The following CA12 variants were observed in gnomAD, a reference collection of about 807,000 sequenced individuals.
The protein encoded by CA12 is carbonate dehydratase XII.
Under a neutral mutation model 46.8 loss-of-function variants are expected in CA12, and 36 were observed. The observed-to-expected ratio is 0.77, with a 90% CI of 0.59 to 1.02. CA12 has a LOEUF of 1.02. Ranked by LOEUF, CA12 falls within the 50% of genes least tolerant of loss-of-function variation. CA12 has a pLI of 0.00. For missense variants in CA12, 436 were observed against 451.4 expected (o/e 0.97, Z 0.31); for synonymous variants, 202 against 187.0 (o/e 1.08, Z -0.65).
chr15:63,327,010 G>A lies in CA12; in HGVS notation c.992+139C>T, dbSNP rs547034055. 9.3e-5 allele frequency: 68 copies of A among 734,608 alleles called. No homozygotes were observed. Among genetic ancestry groups the A allele is most frequent in the Non-Finnish European group, 1.6e-4 (65 of 411,076 alleles). The allele number at this position is 734,608 out of a possible 1,614,324, so 45.5% of individuals were successfully genotyped here. ...ATGCAAAGGAGGCCAGGGCACGGGT[G>A]CTTTGGGGACGGCCCTCCTAGGGTA... On this transcript the variant is annotated intron_variant, in intron 10 of 10. Coordinates refer to ENST00000178638, the MANE Select transcript of CA12 (RefSeq NM_001218.5). This position sits in a 1 kb window ranked among gnomAD's most constrained non-coding sequence, Gnocchi z 4.5.
At chr15:63,335,885 CT>C (rs1041636540) in intron 8 of CA12, among the ~76,000 whole-genome samples, 9 of 152,352 alleles carry the variant, frequency 5.9e-5, no homozygotes, top group African/African-American at 2.2e-4. Flanking sequence ...ATGCAGCCCC[CT>C]GGGCAGATGA....
intron 2 of CA12, among the ~76,000 whole-genome samples, chr15:63,360,267 T>C (rs1286387822): frequency 6.6e-6 from 1 of 152,212 alleles, no homozygotes; most frequent in African/African-American, 2.4e-5. Flanking sequence ...CATCATTGGC[T>C]GAGGAACTCA....
In CA12 at chr15:63,326,243, A is replaced by G; in HGVS notation, c.*42T>C. 1 of 1,522,560 alleles carries G rather than the reference A, an allele frequency of 6.6e-7. No homozygotes were observed. The highest frequency in any genetic ancestry group is 9.1e-7 in the Non-Finnish European group (1 of 1,096,630). The allele number at this position is 1,522,560 out of a possible 1,614,324, so 94.3% of individuals were successfully genotyped here. A position where few individuals can be genotyped will look rare whatever the true frequency, so the allele number is the denominator to read the frequency against. ...AGAGAGCCGAAGTGTGTAGGGTCCA[A>G]AGCAAGGTCCTTCCTGGATGTGCCC... On this transcript the variant is annotated 3_prime_UTR_variant, in exon 11 of 11. Transcript: ENST00000178638.
At chr15:63,371,709 G>A (rs2152626662) in intron 2 of CA12, among the ~76,000 whole-genome samples, 1 of 152,308 alleles carries the variant, frequency 6.6e-6, no homozygotes, top group Non-Finnish European at 1.5e-5. Context: ...CCAAGAAGCA[G>A]CAAGCCAATA....
At chr15:63,342,200 C>A (rs1012322134) in intron 4 of CA12, 103 bp from the exon 5 acceptor site, 2 of 760,920 alleles carry the variant, frequency 2.6e-6, no homozygotes, top group African/African-American at 1.7e-5. Context: ...AACCCCAGCC[C>A]CCTCAGCCCC....
Position 63,327,269 on chromosome 15 carries a change from T to TAGC in CA12, c.908-37_908-36insGCT. On this transcript the variant is annotated intron_variant, in intron 9 of 10. Transcript: ENST00000178638. The surrounding 1 kb of genome is among the most constrained non-coding windows in gnomAD (Gnocchi z 4.5). ...GGTAGAGGGCACACATTACATTCCT[T>TAGC]CCTTCCCCTCCATCTTAGCCCATGG... 6.4e-7 allele frequency: 1 copy of TAGC among 1,552,912 alleles called. No individual in the cohort carries two copies. Among genetic ancestry groups the TAGC allele is most frequent in the Non-Finnish European group, 8.9e-7 (1 of 1,128,450 alleles).
intron 2 of CA12, among the ~76,000 whole-genome samples, chr15:63,352,562 C>T (rs1024763826): frequency 3.9e-5 from 6 of 152,124 alleles, no homozygotes; most frequent in African/African-American, 1.4e-4. Context: ...AGGTGGACCC[C>T]CCTGTGTCTG....
Position 63,341,655 on chromosome 15 carries a change from C to T in CA12, c.525+347G>A, listed in dbSNP as rs1358118564. On this transcript the variant is annotated intron_variant, in intron 5 of 10. Coordinates refer to ENST00000178638, the MANE Select transcript of CA12 (RefSeq NM_001218.5). The surrounding 1 kb of genome is among the most constrained non-coding windows in gnomAD (Gnocchi z 5.2). ...GGAGCTTGGATGGCAGGAGTTGTAT[C>T]AAGAGTTCAGGCATCTGATGGGGCA... Among the ~76,000 whole-genome samples, 1 of 152,170 alleles carries T rather than the reference C, an allele frequency of 6.6e-6. No homozygotes were observed. Among genetic ancestry groups the T allele is most frequent in the Non-Finnish European group, 1.5e-5 (1 of 68,032 alleles).
At chr15:63,332,567 G>A (rs900296220) in intron 8 of CA12, among the ~76,000 whole-genome samples, 15 of 152,148 alleles carry the variant, frequency 9.9e-5, no homozygotes, top group East Asian at 1.9e-4. Flanking sequence ...GGTGGGACGG[G>A]GGCCTTTGAT....
Position 63,323,553 on chromosome 15 carries a change from T to G in CA12, c.*2732A>C, listed in dbSNP as rs1225447375. 3 of 152,594 alleles carry G rather than the reference T, an allele frequency of 2.0e-5. No individual in the cohort carries two copies. Among genetic ancestry groups the G allele is most frequent in the Admixed American group, 6.5e-5 (1 of 15,282 alleles). The allele number at this position is 152,594 out of a possible 1,614,324, so 9.5% of individuals were successfully genotyped here. A position where few individuals can be genotyped will look rare whatever the true frequency, so the allele number is the denominator to read the frequency against. On this transcript the variant is annotated 3_prime_UTR_variant, in exon 11 of 11. Coordinates refer to ENST00000178638, the MANE Select transcript of CA12 (RefSeq NM_001218.5). The surrounding 1 kb of genome is among the most constrained non-coding windows in gnomAD (Gnocchi z 5.1). The stretch of plus-strand genomic sequence containing the variant: ...GCCTGATGTGAAAAACATTTATAAT[T>G]TCTTGTAGTTACAGTGTGTATCTTC...
intron 2 of CA12, among the ~76,000 whole-genome samples, chr15:63,361,225 C>A (rs1169241417): frequency 6.6e-6 from 1 of 152,216 alleles, no homozygotes; most frequent in East Asian, 1.9e-4. Flanking sequence ...GATGCTGCTG[C>A]TTCGAGGTGA....
chr15:63,335,094 C>T (rs1316611260), intron 8 of CA12, among the ~76,000 whole-genome samples: 1 of 152,192 alleles, frequency 6.6e-6, no homozygotes, highest in Non-Finnish European at 1.5e-5. Context: ...CCTGCCTGCA[C>T]AGAGTTGGCA....
chr15:63,328,649 CACA>C lies in CA12; in HGVS notation c.875-522_875-520del, dbSNP rs1439271434. Among the ~76,000 whole-genome samples, 5 of 152,106 alleles carry C rather than the reference CACA, an allele frequency of 3.3e-5. No individual in the cohort carries two copies. Among genetic ancestry groups the C allele is most frequent in the Admixed American group, 3.3e-4 (5 of 15,266 alleles). ...GCGCCCGGCCCCGATGCTCCTTTAT[CACA>C]ACAGTTTCCTGGCTAGGGCAAGACT... On this transcript the variant is annotated intron_variant, in intron 8 of 10. Transcript: ENST00000178638. The surrounding 1 kb of genome is among the most constrained non-coding windows in gnomAD (Gnocchi z 5.9).
intron 2 of CA12, among the ~76,000 whole-genome samples, chr15:63,363,884 G>T (rs1471268367): frequency 2.6e-5 from 4 of 152,152 alleles, no homozygotes; most frequent in African/African-American, 9.7e-5. Context: ...CCACTAAAAG[G>T]CTTATCAAGA....
intron 2 of CA12, among the ~76,000 whole-genome samples, chr15:63,362,138 C>T (rs920066887): frequency 6.6e-6 from 1 of 152,122 alleles, no homozygotes; most frequent in Non-Finnish European, 1.5e-5. Flanking sequence ...AATATGCAAA[C>T]AAATGAATGT....
Position 63,333,233 on chromosome 15 carries a change from G to A in CA12, c.875-5103C>T, listed in dbSNP as rs546089563. On this transcript the variant is annotated intron_variant, in intron 8 of 10. Coordinates refer to ENST00000178638, the MANE Select transcript of CA12 (RefSeq NM_001218.5). The stretch of plus-strand genomic sequence containing the variant: ...AAGAGGGCAGGGATGGGGCTGTGGG[G>A]AGATGATGTGGAAGGATCGGCTAGG... Among the ~76,000 whole-genome samples, 5 of 152,360 alleles carry A rather than the reference G, an allele frequency of 3.3e-5. No individual in the cohort carries two copies. The East Asian group carries it at 9.6e-4, about 29-fold the overall frequency.
intron 8 of CA12, among the ~76,000 whole-genome samples, chr15:63,334,344 C>CTTCTGGG (rs1203842163): frequency 3.4e-5 from 5 of 147,334 alleles, no homozygotes; most frequent in Middle Eastern, 3.5e-3. Context: ...CAACCTCTGC[C>CTTCTGGG]TTCTGGGTTC....
In CA12 at chr15:63,328,600, T is replaced by C. The variant is rs2038898367; in HGVS notation, c.875-470A>G. ...CCACCTGCCTTGGCCTTCCAAAGTG[T>C]TGGGATTATAGGCGTGAGCCCCTGC... On this transcript the variant is annotated intron_variant, in intron 8 of 10. Transcript: ENST00000178638. The surrounding 1 kb of genome is among the most constrained non-coding windows in gnomAD (Gnocchi z 5.9). Among the ~76,000 whole-genome samples the C allele has an allele frequency of 6.6e-6, 1 of 152,124 alleles. No individual in the cohort carries two copies. The highest frequency in any genetic ancestry group is 6.5e-5 in the Admixed American group (1 of 15,280).
chr15:63,326,044 G>A lies in CA12; in HGVS notation c.*241C>T, dbSNP rs939310583. The A allele has an allele frequency of 3.0e-5, 16 of 541,256 alleles. No individual in the cohort carries two copies. The highest frequency in any genetic ancestry group is 4.7e-5 in the Non-Finnish European group (14 of 297,912). 33.5% of individuals were successfully genotyped at this position (541,256 alleles called of 1,614,324 possible). Reference sequence around the variant, plus strand: ...CACTTCACAATCTCACACAGTTACAGCAAGCAGCTTTGAATTCCTGCTGCT... The same window carrying A: ...CACTTCACAATCTCACACAGTTACAACAAGCAGCTTTGAATTCCTGCTGCT... On this transcript the variant is annotated 3_prime_UTR_variant, in exon 11 of 11. Coordinates refer to ENST00000178638, the MANE Select transcript of CA12 (RefSeq NM_001218.5).
Sources: allele counts gnomAD v4.1 joint callset (sites outside exome capture counted in the v4.1 genomes callset), GRCh38; gene constraint gnomAD v4.1.1; non-coding constraint Gnocchi (gnomAD v3.1); transcripts MANE v1.5; gene names NCBI Gene and HGNC (gene_info 2026-07-23, HGNC 2026-07-21).